SPOCK1: variants seen among roughly 807,000 people sequenced by gnomAD.
The protein encoded by SPOCK1 is SPARC (osteonectin), cwcv and kazal like domains proteoglycan 1, also known as testican-1.
In SPOCK1, 23 loss-of-function variants were observed where a neutral mutation model predicts 55.3. The observed-to-expected ratio is 0.42, with a 90% CI of 0.30 to 0.59. The LOEUF is 0.59. Among genes scored for constraint, SPOCK1 ranks in the 20% least tolerant of loss-of-function variants. The probability of loss-of-function intolerance (pLI) is 0.22; values close to 1 mark genes in which losing one functional copy is unlikely to be tolerated. For missense variants in SPOCK1, 499 were observed against 552.5 expected, an observed-to-expected ratio of 0.90 and a Z score of 0.97; for synonymous variants, 226 against 221.0, an observed-to-expected ratio of 1.02 and a Z score of -0.20.
At chr5:136,986,614 AACTT>A (rs1436545340) in intron 8 of SPOCK1, among the ~76,000 whole-genome samples, 2 of 152,184 alleles carry the variant, frequency 1.3e-5, no homozygotes, top group African/African-American at 4.8e-5. Flanking sequence ...CAACCAGAAT[AACTT>A]AGAAACAAAG....
intron 6 of SPOCK1, among the ~76,000 whole-genome samples, chr5:137,026,703 C>G (rs1304782132): frequency 2.0e-5 from 3 of 152,196 alleles, no homozygotes; most frequent in African/African-American, 7.2e-5. Context: ...GCTTCAATAT[C>G]CAGAAGAATC....
At chr5:137,455,420 T>G (rs1166143061) in intron 2 of SPOCK1, among the ~76,000 whole-genome samples, 1 of 152,092 alleles carries the variant, frequency 6.6e-6, no homozygotes, top group East Asian at 1.9e-4. Context: ...ATAGTTTCTC[T>G]CAGAATATCG....
chr5:137,321,505 T>C (rs906259521), intron 2 of SPOCK1, among the ~76,000 whole-genome samples: 24 of 152,208 alleles, frequency 1.6e-4, no homozygotes, highest in South Asian at 1.0e-3. Flanking sequence ...GGAGTCTCCA[T>C]GAGACTATCA....
At position 137,481,773 on chromosome 5, in the gene SPOCK1, C is replaced by T. The variant is rs111781457; in HGVS notation, c.186+16600G>A. ...CAAAGGATGGCGTCCTGCCAAGCTG[C>T]GGTAAGTGAGCAGGCTAAGGCTATG... On this transcript the variant is annotated intron_variant, in intron 2 of 10. Transcript: ENST00000394945. Among the ~76,000 whole-genome samples the T allele has an allele frequency of 3.3e-4, 51 of 152,294 alleles. No homozygotes were observed. In the Middle Eastern group the frequency reaches 0.02, roughly 61 times the overall value.
chr5:137,138,915 C>A (rs1177123653), intron 4 of SPOCK1, among the ~76,000 whole-genome samples: 1 of 152,248 alleles, frequency 6.6e-6, no homozygotes, highest in East Asian at 1.9e-4. Flanking sequence ...AAACCATAAG[C>A]TTTGGAGGCA....
At chr5:137,223,378 A>G (rs368892326) in intron 3 of SPOCK1, among the ~76,000 whole-genome samples, 12 of 152,044 alleles carry the variant, frequency 7.9e-5, no homozygotes, top group African/African-American at 2.9e-4. Context: ...TCTGTTCTCT[A>G]CGTATTAAAA....
Position 137,060,222 on chromosome 5 carries a change from C to CTT in SPOCK1, c.589+7492_589+7493insAA, listed in dbSNP as rs1472732448. Among the ~76,000 whole-genome samples, 115 of 152,274 alleles carry CTT rather than the reference C, an allele frequency of 7.6e-4. No homozygotes were observed. The East Asian group carries it at 0.018, about 24-fold the overall frequency. On this transcript the variant is annotated intron_variant, in intron 6 of 10. Coordinates refer to ENST00000394945, the MANE Select transcript of SPOCK1 (RefSeq NM_004598.4). ...CTAAAAGCCCATCAGTGGTAAACTG[C>CTT]ATAAATAAAATGTGGTACACATGTA...
chr5:136,996,636 G>C (rs923281440), intron 6 of SPOCK1, among the ~76,000 whole-genome samples: 3 of 152,122 alleles, frequency 2.0e-5, no homozygotes, highest in African/African-American at 7.2e-5. Context: ...TGGGGACTCA[G>C]AGAACTTTTC....
intron 4 of SPOCK1, among the ~76,000 whole-genome samples, chr5:137,126,572 G>T (rs898609774): frequency 1.3e-4 from 20 of 152,300 alleles, no homozygotes; most frequent in African/African-American, 4.8e-4. Context: ...AGACCAGCCT[G>T]TACAACATGG....
chr5:137,147,638 G>T (rs558780495), intron 3 of SPOCK1, among the ~76,000 whole-genome samples: 1 of 152,174 alleles, frequency 6.6e-6, no homozygotes. Context: ...TATCCTATCA[G>T]CTCAGGGCTC....
At chr5:137,058,919 A>G (rs559841566) in intron 6 of SPOCK1, among the ~76,000 whole-genome samples, 81 of 152,224 alleles carry the variant, frequency 5.3e-4, no homozygotes, top group Non-Finnish European at 1.0e-3. Flanking sequence ...AGATGGGGAC[A>G]GACACGTAAC....
At chr5:137,380,769 G>T (rs1400210000) in intron 2 of SPOCK1, among the ~76,000 whole-genome samples, 1 of 152,140 alleles carries the variant, frequency 6.6e-6, no homozygotes, top group African/African-American at 2.4e-5. Context: ...TTCAACATGA[G>T]ATTTGGGCAG....
At chr5:137,203,904 G>A (rs1048785868) in intron 3 of SPOCK1, among the ~76,000 whole-genome samples, 2 of 152,210 alleles carry the variant, frequency 1.3e-5, no homozygotes, top group African/African-American at 2.4e-5. Context: ...AAGTAATGTG[G>A]ATTAGCAATG....
intron 2 of SPOCK1, among the ~76,000 whole-genome samples, chr5:137,393,972 T>C (rs1484302442): frequency 4.6e-5 from 7 of 152,176 alleles, no homozygotes; most frequent in Admixed American, 4.6e-4. Context: ...ATTTTCTATT[T>C]TTCTACAGTT....
intron 3 of SPOCK1, among the ~76,000 whole-genome samples, chr5:137,194,336 G>T (rs954293385): frequency 6.6e-6 from 1 of 152,202 alleles, no homozygotes; most frequent in African/African-American, 2.4e-5. Flanking sequence ...TGACTGTGCT[G>T]GGGCCAGGGC....
intron 3 of SPOCK1, among the ~76,000 whole-genome samples, chr5:137,205,564 A>T (rs1163026181): frequency 6.6e-6 from 1 of 152,216 alleles, no homozygotes; most frequent in African/African-American, 2.4e-5. Flanking sequence ...GGAACTATGC[A>T]CTTGGGATGC....
chr5:137,411,057 G>C (rs1317041130), intron 2 of SPOCK1, among the ~76,000 whole-genome samples: 1 of 152,166 alleles, frequency 6.6e-6, no homozygotes, highest in African/African-American at 2.4e-5. Flanking sequence ...CAGCCAGAAG[G>C]TCTTTACTTG....
intron 6 of SPOCK1, among the ~76,000 whole-genome samples, chr5:137,019,830 C>T (rs1751533160): frequency 6.6e-6 from 1 of 151,822 alleles, no homozygotes; most frequent in African/African-American, 2.4e-5. Flanking sequence ...GTAGGTAAAA[C>T]CAAGCAAAAC....
At chr5:137,427,151 G>T (rs1429892213) in intron 2 of SPOCK1, among the ~76,000 whole-genome samples, 1 of 152,164 alleles carries the variant, frequency 6.6e-6, no homozygotes, top group Non-Finnish European at 1.5e-5. Flanking sequence ...GAGAGCAGCT[G>T]CCCCCAGTAG....
Sources: gnomAD v4.1 joint callset for allele counts (sites outside exome capture counted in the v4.1 genomes callset) on GRCh38, gnomAD v4.1.1 for gene constraint, MANE v1.5 for transcripts, NCBI Gene and HGNC (gene_info 2026-07-23, HGNC 2026-07-21) for gene names.